PARD6G: variants seen among roughly 807,000 people sequenced by gnomAD.
PARD6G encodes the protein partitioning defective 6 homolog gamma.
PARD6G carries 7 observed loss-of-function variants against 10.7 expected under a neutral mutation model. The observed-to-expected ratio is 0.66, with a 90% CI of 0.37 to 1.23. The LOEUF (loss-of-function observed/expected upper bound fraction) is 1.23, where lower values mean the gene tolerates loss of function less well. PARD6G is among the 50% of genes most tolerant of loss of function. The pLI is 0.02. For missense variants in PARD6G, 548 were observed against 571.8 expected, an observed-to-expected ratio of 0.96 and a Z score of 0.42; for synonymous variants, 287 against 269.4, an observed-to-expected ratio of 1.07 and a Z score of -0.64.
At chr18:80,179,756 G>A (rs540181335) in intron 2 of PARD6G, among the ~76,000 whole-genome samples, 4 of 152,354 alleles carry the variant, frequency 2.6e-5, no homozygotes, top group East Asian at 3.9e-4. Context: ...CATGGGTTCC[G>A]TGCACGGCGG....
chr18:80,203,935 G>A (rs1408644803), intron 1 of PARD6G, among the ~76,000 whole-genome samples: 1 of 152,178 alleles, frequency 6.6e-6, no homozygotes, highest in African/African-American at 2.4e-5. Context: ...AAGGCGACAT[G>A]TACACCCGCC....
At chr18:80,242,025 T>C (rs559191847) in intron 1 of PARD6G, among the ~76,000 whole-genome samples, 1 of 152,284 alleles carries the variant, frequency 6.6e-6, no homozygotes, top group African/African-American at 2.4e-5. Context: ...TGAAATGCCA[T>C]GGGTCCTAGG....
intron 1 of PARD6G, among the ~76,000 whole-genome samples, chr18:80,214,099 T>G (rs934914201): frequency 5.9e-5 from 9 of 152,110 alleles, no homozygotes; most frequent in Non-Finnish European, 1.0e-4. Flanking sequence ...AGATTTTAAA[T>G]TAGCTATTAT....
Position 80,239,112 on chromosome 18 carries a change from G to T in PARD6G, c.72+8165C>A, listed in dbSNP as rs1344329328. Among the ~76,000 whole-genome samples the T allele has an allele frequency of 3.3e-5, 5 of 152,144 alleles. No homozygotes were observed. In the East Asian group the frequency reaches 9.7e-4, roughly 29 times the overall value. ...TCCTCTGCCACTGTCTATGAAGTAT[G>T]GGATGAGTGACTGATGTGAAGGGAG... On this transcript the variant is annotated intron_variant, in intron 1 of 2. Transcript: ENST00000353265.
chr18:80,195,548 C>CATAT (rs201373415), intron 2 of PARD6G, among the ~76,000 whole-genome samples: 965 of 82,154 alleles, frequency 0.012, 76 homozygotes, highest in East Asian at 0.063. Flanking sequence ...TTCAAAGATA[C>CATAT]ATATATATAT....
intron 1 of PARD6G, among the ~76,000 whole-genome samples, chr18:80,241,496 T>G (rs1427979563): frequency 6.9e-6 from 1 of 145,116 alleles, no homozygotes; most frequent in Non-Finnish European, 1.5e-5. Flanking sequence ...GTTACAGTAT[T>G]GTGATGGGCA....
At chr18:80,177,216 G>GCACACACA (rs1491357384) in intron 2 of PARD6G, among the ~76,000 whole-genome samples, 29 of 48,168 alleles carry the variant, frequency 6.0e-4, no homozygotes, top group African/African-American at 4.8e-3. Flanking sequence ...TAAATGGGAA[G>GCACACACA]CGCACACACA....
chr18:80,246,998 G>A lies in PARD6G; in HGVS notation c.72+279C>T, dbSNP rs568305750. ...ATCGCCTCTCACTCGTGGAACAAAA[G>A]AGCAGCTCCCGCGGAGCGGGTCCAG... On this transcript the variant is annotated intron_variant, in intron 1 of 2. Transcript: ENST00000353265. The surrounding 1 kb of genome is among the most constrained non-coding windows in gnomAD (Gnocchi z 6.7). Among the ~76,000 whole-genome samples the A allele has an allele frequency of 6.4e-4, 97 of 152,250 alleles. 1 individual carries two copies. The highest frequency in any genetic ancestry group is 2.2e-3 in the African/African-American group (90 of 41,568).
In PARD6G at chr18:80,184,003, T is replaced by C. The variant is rs1432921005; in HGVS notation, c.295+18707A>G. Reference sequence around the variant, plus strand: ...ACAAACTTTCTTTTTACATATATGTTAGCGGTCAAAGAACTCTGTTTTTCT... The same window carrying C: ...ACAAACTTTCTTTTTACATATATGTCAGCGGTCAAAGAACTCTGTTTTTCT... On this transcript the variant is annotated intron_variant, in intron 2 of 2. Coordinates refer to ENST00000353265, the MANE Select transcript of PARD6G (RefSeq NM_032510.4). This position sits in a 1 kb window ranked among gnomAD's most constrained non-coding sequence, Gnocchi z 4.5. The C allele has an allele frequency of 6.6e-6, 1 of 152,214 alleles. No homozygotes were observed. The highest frequency in any genetic ancestry group is 6.5e-5 in the Admixed American group (1 of 15,290). 9.4% of individuals were successfully genotyped at this position (152,214 alleles called of 1,614,324 possible).
intron 2 of PARD6G, among the ~76,000 whole-genome samples, chr18:80,165,979 G>A (rs1052463547): frequency 2.0e-5 from 3 of 152,134 alleles, no homozygotes; most frequent in Non-Finnish European, 4.4e-5. Context: ...CTAGTAGGGA[G>A]ACTGAGGCAG....
chr18:80,211,834 T>C (rs992101203), intron 1 of PARD6G, among the ~76,000 whole-genome samples: 1 of 152,186 alleles, frequency 6.6e-6, no homozygotes, highest in Non-Finnish European at 1.5e-5. Context: ...TCCACTTATA[T>C]GAGGTAAATA....
At chr18:80,173,497 C>T (rs1330307178) in intron 2 of PARD6G, among the ~76,000 whole-genome samples, 3 of 151,954 alleles carry the variant, frequency 2.0e-5, no homozygotes, top group Non-Finnish European at 2.9e-5. Flanking sequence ...TGGTGGCGAG[C>T]GCCTGTAATC....
intron 1 of PARD6G, among the ~76,000 whole-genome samples, chr18:80,230,747 G>C (rs80295253): frequency 0.029 from 4,445 of 152,194 alleles, 202 homozygotes; most frequent in African/African-American, 0.1. Flanking sequence ...GTGAGGGAGG[G>C]GTAGCAGTGG....
At chr18:80,218,670 C>T (rs1056475440) in intron 1 of PARD6G, among the ~76,000 whole-genome samples, 1 of 152,192 alleles carries the variant, frequency 6.6e-6, no homozygotes, top group Non-Finnish European at 1.5e-5. Context: ...ATCACAGCTC[C>T]ACTAGGCAGT....
intron 1 of PARD6G, among the ~76,000 whole-genome samples, chr18:80,224,509 T>C (rs1012182217): frequency 2.6e-5 from 4 of 152,152 alleles, no homozygotes; most frequent in African/African-American, 7.2e-5. Flanking sequence ...AAGCTGGATA[T>C]CTGTCTTCAT....
At chr18:80,217,352 T>C (rs1967179916) in intron 1 of PARD6G, among the ~76,000 whole-genome samples, 1 of 152,136 alleles carries the variant, frequency 6.6e-6, no homozygotes, top group Non-Finnish European at 1.5e-5. Flanking sequence ...CCCTCAAGGA[T>C]GTAGAGCATA....
At chr18:80,197,903 C>T (rs1190369902) in intron 2 of PARD6G, among the ~76,000 whole-genome samples, 2 of 152,164 alleles carry the variant, frequency 1.3e-5, no homozygotes, top group African/African-American at 4.8e-5. Context: ...AAGTCCAGAC[C>T]CTCTCATCGT....
chr18:80,163,530 C>A (rs533604737), intron 2 of PARD6G, among the ~76,000 whole-genome samples: 10 of 152,294 alleles, frequency 6.6e-5, no homozygotes, highest in African/African-American at 2.4e-4. Flanking sequence ...CCCGGGAGCC[C>A]CACCCCTGTT....
chr18:80,185,451 T>A (rs2052869077), intron 2 of PARD6G, among the ~76,000 whole-genome samples: 2 of 152,146 alleles, frequency 1.3e-5, no homozygotes, highest in African/African-American at 4.8e-5. Flanking sequence ...ATTTTTAATG[T>A]ATTAAGAAGT....
Sources: gnomAD v4.1 joint callset for allele counts (sites outside exome capture counted in the v4.1 genomes callset) on GRCh38, gnomAD v4.1.1 for gene constraint, Gnocchi (gnomAD v3.1) non-coding constraint, MANE v1.5 for transcripts, NCBI Gene and HGNC (gene_info 2026-07-23, HGNC 2026-07-21) for gene names.